LRMDA: variants seen among roughly 807,000 people sequenced by gnomAD.
LRMDA encodes the protein leucine-rich melanocyte differentiation-associated protein.
In LRMDA, 18 loss-of-function variants were observed where a neutral mutation model predicts 29.8. That is an observed-to-expected ratio of 0.60 (90% CI 0.42 to 0.90). LRMDA has a LOEUF of 0.90. Among genes scored for constraint, LRMDA ranks in the 40% least tolerant of loss-of-function variants. The pLI is 0.00. For synonymous variants in LRMDA, 125 were observed against 109.4 expected, an observed-to-expected ratio of 1.14 and a Z score of -0.89; for missense variants, 273 against 273.9, an observed-to-expected ratio of 1.00 and a Z score of 0.02.
chr10:75,947,820 G>T (rs748169177), intron 2 of LRMDA, among the ~76,000 whole-genome samples: 1 of 152,142 alleles, frequency 6.6e-6, no homozygotes, highest in Non-Finnish European at 1.5e-5. Context: ...GCAGCACTTT[G>T]CACCAATTCA....
At chr10:76,190,152 C>G (rs988289065) in intron 5 of LRMDA, among the ~76,000 whole-genome samples, 3 of 152,148 alleles carry the variant, frequency 2.0e-5, no homozygotes, top group Non-Finnish European at 4.4e-5. Flanking sequence ...CAGAATGCTT[C>G]TCTTTCCTCG....
At chr10:75,632,378 T>C (rs1402882987) in intron 2 of LRMDA, among the ~76,000 whole-genome samples, 1 of 152,222 alleles carries the variant, frequency 6.6e-6, no homozygotes, top group African/African-American at 2.4e-5. Flanking sequence ...CATCATCCCA[T>C]CTAAAAAGAA....
intron 2 of LRMDA, among the ~76,000 whole-genome samples, chr10:75,839,678 T>TTA (rs1844500810): frequency 6.7e-6 from 1 of 148,836 alleles, no homozygotes; most frequent in Non-Finnish European, 1.5e-5. Context: ...CCAATTCTAC[T>TTA]CCTTAGGATG....
At chr10:76,286,192 A>C (rs1339457430) in intron 5 of LRMDA, among the ~76,000 whole-genome samples, 1 of 152,278 alleles carries the variant, frequency 6.6e-6, no homozygotes, top group East Asian at 1.9e-4. Flanking sequence ...GGAAGGTGAA[A>C]AAGACAATGA....
intron 6 of LRMDA, among the ~76,000 whole-genome samples, chr10:76,484,963 C>T (rs1296813413): frequency 1.3e-5 from 2 of 151,712 alleles, no homozygotes; most frequent in African/African-American, 4.8e-5. Flanking sequence ...GTATCTAGTA[C>T]AGCTTTCTTT....
intron 5 of LRMDA, among the ~76,000 whole-genome samples, chr10:76,142,840 C>T (rs1176442985): frequency 2.0e-5 from 3 of 151,432 alleles, no homozygotes; most frequent in East Asian, 3.9e-4. Flanking sequence ...ATCCTTCCCC[C>T]CTCCCCCTAC....
rs1028830941 is a variant in LRMDA, at chr10:76,085,182, G to A, written c.516+26399G>A. ...TACAAACCCCACCAATGACAGAGAC[G>A]TGACATAAAGGGACCTGGAGCTGTC... On this transcript the variant is annotated intron_variant, in intron 5 of 6. Transcript: ENST00000611255. 9.9e-5 allele frequency among the ~76,000 whole-genome samples: 15 copies of A among 152,154 alleles called. 1 individual carries two copies. The highest frequency in any genetic ancestry group is 8.5e-4 in the Admixed American group (13 of 15,270).
At chr10:75,810,625 A>C (rs535352925) in intron 2 of LRMDA, among the ~76,000 whole-genome samples, 60 of 152,346 alleles carry the variant, frequency 3.9e-4, no homozygotes, top group African/African-American at 1.4e-3. Flanking sequence ...GGTTGGTGGG[A>C]CATCCCTTTA....
At chr10:75,589,063 T>A (rs1199881607) in intron 2 of LRMDA, among the ~76,000 whole-genome samples, 1 of 152,194 alleles carries the variant, frequency 6.6e-6, no homozygotes, top group East Asian at 1.9e-4. Flanking sequence ...CTGTAGTGAG[T>A]TACCTTAAAC....
intron 2 of LRMDA, among the ~76,000 whole-genome samples, chr10:75,728,426 CTGTGTGTGTGTGTGTGTGTGTGTG>C (rs34902461): frequency 7.2e-6 from 1 of 138,188 alleles, no homozygotes; most frequent in South Asian, 2.5e-4. Flanking sequence ...ATACGTGGCT[CTGTGTGTGTGTGTGTGTGTGTGTG>C]TGTGTGTGTG....
intron 2 of LRMDA, among the ~76,000 whole-genome samples, chr10:75,463,910 T>C (rs1391896817): frequency 6.6e-6 from 1 of 151,890 alleles, no homozygotes; most frequent in East Asian, 1.9e-4. Flanking sequence ...CAGGTGATCC[T>C]CTCACCTCGG....
intron 2 of LRMDA, among the ~76,000 whole-genome samples, chr10:75,695,530 G>A (rs998660944): frequency 4.6e-5 from 7 of 151,666 alleles, no homozygotes; most frequent in Non-Finnish European, 7.4e-5. Context: ...TTCTGACAAG[G>A]CCTCATAAAC....
At chr10:76,545,132 G>A (rs545715469) in intron 6 of LRMDA, among the ~76,000 whole-genome samples, 1 of 151,254 alleles carries the variant, frequency 6.6e-6, no homozygotes, top group African/African-American at 2.4e-5. Context: ...TTGTTACAGG[G>A]TCTGCTTAAT....
At chr10:76,235,458 G>A (rs939528077) in intron 5 of LRMDA, among the ~76,000 whole-genome samples, 2 of 152,144 alleles carry the variant, frequency 1.3e-5, no homozygotes, top group African/African-American at 4.8e-5. Flanking sequence ...TAGATGCAGG[G>A]TTGCCACAAA....
At chr10:75,978,633 C>T (rs986710225) in intron 2 of LRMDA, among the ~76,000 whole-genome samples, 1 of 152,126 alleles carries the variant, frequency 6.6e-6, no homozygotes, top group Non-Finnish European at 1.5e-5. Context: ...AGTGAGTTTC[C>T]AGTATTGTCC....
intron 2 of LRMDA, among the ~76,000 whole-genome samples, chr10:75,906,631 T>C (rs188131210): frequency 6.6e-6 from 1 of 152,356 alleles, no homozygotes; most frequent in African/African-American, 2.4e-5. Flanking sequence ...TTAATAGCAT[T>C]CCCTGCCTTT....
At chr10:75,465,084 T>C (rs1844632318) in intron 2 of LRMDA, among the ~76,000 whole-genome samples, 1 of 152,208 alleles carries the variant, frequency 6.6e-6, no homozygotes, top group South Asian at 2.1e-4. Flanking sequence ...AATGCTCTGC[T>C]GTGGAGGAAA....
At position 75,789,244 on chromosome 10, in the gene LRMDA, C is replaced by T. The variant is rs554675226; in HGVS notation, c.132-246764C>T. On this transcript the variant is annotated intron_variant, in intron 2 of 6. Transcript: ENST00000611255. Reference sequence around the variant, plus strand: ...CATCTGACCCTGCAGGGTTTTGTGACGATGAAATGAGATTGTGACTACATA... The same window carrying T: ...CATCTGACCCTGCAGGGTTTTGTGATGATGAAATGAGATTGTGACTACATA... Among the ~76,000 whole-genome samples the T allele has an allele frequency of 1.5e-4, 23 of 152,240 alleles. No homozygotes were observed. The South Asian group carries it at 3.1e-3, about 21-fold the overall frequency.
intron 2 of LRMDA, among the ~76,000 whole-genome samples, chr10:75,823,521 T>C (rs912729865): frequency 6.6e-6 from 1 of 152,120 alleles, no homozygotes; most frequent in African/African-American, 2.4e-5. Flanking sequence ...ACACCGTTGG[T>C]GGGAATGTAA....
Sources: gnomAD v4.1 joint callset for allele counts (sites outside exome capture counted in the v4.1 genomes callset) on GRCh38, gnomAD v4.1.1 for gene constraint, MANE v1.5 for transcripts, NCBI Gene and HGNC (gene_info 2026-07-23, HGNC 2026-07-21) for gene names.